The following PFKFB4 variants were observed in gnomAD, a reference collection of about 807,000 sequenced individuals.
PFKFB4 encodes 6-phosphofructo-2-kinase/fructose-2,6-biphosphatase 4.
PFKFB4 carries 42 observed loss-of-function variants against 62.8 expected under a neutral mutation model. The observed-to-expected ratio is 0.67, with a 90% confidence interval of 0.52 to 0.86. The LOEUF (loss-of-function observed/expected upper bound fraction) is 0.86. PFKFB4 is among the 40% of genes least tolerant of loss of function. The pLI, the probability that PFKFB4 is intolerant of heterozygous loss-of-function variation, is 0.00. For missense variants in PFKFB4, 475 were observed against 627.2 expected, an observed-to-expected ratio of 0.76 and a Z score of 2.59; for synonymous variants, 204 against 240.7, an observed-to-expected ratio of 0.85 and a Z score of 1.41.
chr3:48,519,563 C>G lies in PFKFB4; in HGVS notation c.*184G>C. ...CAGCAGGTCAGGAGCCACGCACAAC[C>G]TTGTCGCCGACTGTCAACAAAGAGC... is the stretch of plus-strand genomic sequence containing the variant. On this transcript the variant is annotated 3_prime_UTR_variant, in exon 14 of 14. Transcript: ENST00000232375. The G allele has an allele frequency of 1.7e-6, 1 of 588,232 alleles. No individual in the cohort carries two copies. Among genetic ancestry groups the G allele is most frequent in the Non-Finnish European group, 3.1e-6 (1 of 327,182 alleles). The allele number at this position is 588,232 out of a possible 1,614,324, so 36.4% of individuals were successfully genotyped here. A position where few individuals can be genotyped will look rare whatever the true frequency, so the allele number is the denominator to read the frequency against.
chr3:48,559,882 C>T, upstream of PFKFB4: 1 of 314,896 alleles, frequency 3.2e-6, no homozygotes, highest in Non-Finnish European at 6.3e-6. Flanking sequence ...CCTGACAGAA[C>T]TGCCAAACCA....
chr3:48,532,666 T>C (rs978804211), intron 9 of PFKFB4, among the ~76,000 whole-genome samples: 15 of 152,198 alleles, frequency 9.9e-5, no homozygotes, highest in Admixed American at 7.9e-4. Flanking sequence ...ACCTGGGCAA[T>C]ATAGTGAGCC....
chr3:48,534,858 G>C (rs902517788), intron 9 of PFKFB4, among the ~76,000 whole-genome samples: 2 of 151,810 alleles, frequency 1.3e-5, no homozygotes, highest in African/African-American at 4.8e-5. Context: ...GCCCAGGCTG[G>C]AGTGCAGTGG....
chr3:48,536,310 G>A lies in PFKFB4; in HGVS notation c.786C>T (p.Leu262=), dbSNP rs143533518. Residue 262 remains leucine (L), a synonymous_variant, in exon 8 of 14, where the codon CTC becomes CTT. Coordinates refer to ENST00000232375, the MANE Select transcript of PFKFB4 (RefSeq NM_004567.4). ...CCCCGCCAATCCGGCCCTTGAGGTTGAGCTCGCTCTCCCCGTGCCGGCAGA... is the reference window on the plus strand; with the variant it reads ...CCCCGCCAATCCGGCCCTTGAGGTTAAGCTCGCTCTCCCCGTGCCGGCAGA... ...IYLCRHGESE[L]NLKGRIGGDP... is the part of the protein sequence containing the mutation. 1.4e-4 allele frequency: 228 copies of A among 1,614,072 alleles called. 1 individual carries two copies. Among genetic ancestry groups the A allele is most frequent in the South Asian group, 4.1e-4 (37 of 91,090 alleles).
Position 48,543,624 on chromosome 3 carries a change from G to A in PFKFB4, c.334C>T (p.Arg112Cys), listed in dbSNP as rs368835932. 23 of 1,611,998 alleles carry A rather than the reference G, an allele frequency of 1.4e-5. No individual in the cohort carries two copies. The highest frequency in any genetic ancestry group is 5.3e-5 in the African/African-American group (4 of 74,904). ...TCACTAAGGAACCGCCGGACGTCACGGAGGGCTGCCAGGGCACACTGCCTT... is the reference window on the plus strand; with the variant it reads ...TCACTAAGGAACCGCCGGACGTCACAGAGGGCTGCCAGGGCACACTGCCTT... ...IRKQCALAAL[R>C]DVRRFLSEEG... The change falls in exon 4 of 14, where the codon CGT becomes TGT. Residue 112 changes from arginine to cysteine, a missense_variant. Arg to Cys is a radical substitution (Grantham distance 180, BLOSUM62 -3). Coordinates refer to ENST00000232375, the MANE Select transcript of PFKFB4 (RefSeq NM_004567.4).
At chr3:48,538,724 A>T in intron 6 of PFKFB4, 105 bp from the exon 7 acceptor site, 1 of 1,458,668 alleles carries the variant, frequency 6.9e-7, no homozygotes, top group Non-Finnish European at 9.4e-7. Context: ...GTTGCACCGG[A>T]GACCAGTGCG....
Position 48,523,603 on chromosome 3 carries a change from T to C in PFKFB4, c.1223-4A>G, listed in dbSNP as rs377429918. On this transcript the variant is annotated splice_region_variant and splice_polypyrimidine_tract_variant and intron_variant, in intron 11 of 13. Coordinates refer to ENST00000232375, the MANE Select transcript of PFKFB4 (RefSeq NM_004567.4). ...CACTTGAGGTAGGGCAGCTGTTCTG[T>C]AGACACAGAGGGGGATGGCTAGCAC... The C allele has an allele frequency of 1.4e-5, 22 of 1,614,018 alleles. No homozygotes were observed. In the African/African-American group the frequency reaches 2.8e-4, roughly 21 times the overall value.
intron 1 of PFKFB4, among the ~76,000 whole-genome samples, chr3:48,553,629 T>G (rs941081583): frequency 2.6e-5 from 4 of 152,224 alleles, no homozygotes; most frequent in Admixed American, 6.5e-5. Flanking sequence ...GCCTGAGACG[T>G]GCCTGGCAAT....
At chr3:48,536,706 T>C (rs575509359) in intron 7 of PFKFB4, 11 of 511,484 alleles carry the variant, frequency 2.2e-5, no homozygotes, top group East Asian at 1.9e-4. Flanking sequence ...CTCATCATGC[T>C]TCCCAAAGGT....
intron 7 of PFKFB4, among the ~76,000 whole-genome samples, chr3:48,538,184 A>G (rs2042684797): frequency 6.6e-6 from 1 of 152,182 alleles, no homozygotes; most frequent in South Asian, 2.1e-4. Flanking sequence ...GTCTAAATAA[A>G]ATATTTACTC....
upstream of PFKFB4, chr3:48,561,751 A>G (rs1015904709): frequency 6.8e-6 from 1 of 146,020 alleles, no homozygotes; most frequent in African/African-American, 2.7e-5. The surrounding 1 kb of genome is among the most constrained non-coding windows in gnomAD (Gnocchi z 5.2). Flanking sequence ...CTTTGTGTTT[A>G]TTGAGCACCT....
chr3:48,549,723 G>C lies in PFKFB4; in HGVS notation c.311+141C>G, dbSNP rs188484505. Reference sequence around the variant, plus strand: ...TCACACAGCCATCAGGGCTGGGCAAGGCCAGGGCTCAGGAGTAGCTCAGTC... The same window carrying C: ...TCACACAGCCATCAGGGCTGGGCAACGCCAGGGCTCAGGAGTAGCTCAGTC... On this transcript the variant is annotated intron_variant, in intron 3 of 13. Coordinates refer to ENST00000232375, the MANE Select transcript of PFKFB4 (RefSeq NM_004567.4). 5 of 638,696 alleles carry C rather than the reference G, an allele frequency of 7.8e-6. No homozygotes were observed. In the East Asian group the frequency reaches 1.4e-4, roughly 18 times the overall value. The allele number at this position is 638,696 out of a possible 1,614,324, so 39.6% of individuals were successfully genotyped here.
Position 48,519,734 on chromosome 3 carries a change from T to G in PFKFB4, c.*13A>C. 6.2e-7 allele frequency: 1 copy of G among 1,608,126 alleles called. No homozygotes were observed. The highest frequency in any genetic ancestry group is 8.5e-7 in the Non-Finnish European group (1 of 1,175,086). ...AGCAGTGCCTGCCTAGTGGTCACAG[T>G]GGATGAACATGGTCACTGGTGAGCA... is the stretch of plus-strand genomic sequence containing the variant. On this transcript the variant is annotated 3_prime_UTR_variant, in exon 14 of 14. Transcript: ENST00000232375.
chr3:48,561,322 C>T (rs905829076), upstream of PFKFB4: 6 of 275,768 alleles, frequency 2.2e-5, no homozygotes, highest in Middle Eastern at 2.7e-3. This position sits in a 1 kb window ranked among gnomAD's most constrained non-coding sequence, Gnocchi z 5.2. Flanking sequence ...ACGCTGTGGC[C>T]AGTACAGTCT....
rs1188528960 is a variant in PFKFB4, at chr3:48,521,125, A to T, written c.1350+861T>A. Reference sequence around the variant, plus strand: ...GACACATCTACACACCTGTGCTGTGAGGTCCAAGGCCAGATGTCCTGGTCC... The same window carrying T: ...GACACATCTACACACCTGTGCTGTGTGGTCCAAGGCCAGATGTCCTGGTCC... On this transcript the variant is annotated intron_variant, in intron 13 of 13. Coordinates refer to ENST00000232375, the MANE Select transcript of PFKFB4 (RefSeq NM_004567.4). This position sits in a 1 kb window ranked among gnomAD's most constrained non-coding sequence, Gnocchi z 5.3. 1.3e-5 allele frequency among the ~76,000 whole-genome samples: 2 copies of T among 152,200 alleles called. No individual in the cohort carries two copies. Among genetic ancestry groups the T allele is most frequent in the Non-Finnish European group, 2.9e-5 (2 of 68,026 alleles).
intron 9 of PFKFB4, among the ~76,000 whole-genome samples, chr3:48,534,833 G>A (rs1452934720): frequency 1.3e-5 from 2 of 150,662 alleles, no homozygotes; most frequent in African/African-American, 4.9e-5. Flanking sequence ...TTTTGAGACA[G>A]AACATCACTC....
intron 3 of PFKFB4, among the ~76,000 whole-genome samples, chr3:48,544,005 G>T (rs1485316840): frequency 1.1e-5 from 1 of 90,146 alleles, no homozygotes; most frequent in Non-Finnish European, 2.2e-5. Flanking sequence ...CCCCCCGCCC[G>T]CCTTTTATTT....
At chr3:48,539,048 G>A (rs1000174218) in intron 6 of PFKFB4, among the ~76,000 whole-genome samples, 1 of 152,130 alleles carries the variant, frequency 6.6e-6, no homozygotes, top group Non-Finnish European at 1.5e-5. Context: ...GTGGTTACGA[G>A]GCGGAGGTGG....
At chr3:48,540,851 T>C (rs940557345) in intron 4 of PFKFB4, among the ~76,000 whole-genome samples, 29 of 151,200 alleles carry the variant, frequency 1.9e-4, no homozygotes, top group African/African-American at 7.1e-4. Flanking sequence ...CTCGGCTCAC[T>C]GCAACCTCCG....
Sources: gnomAD v4.1 joint callset for allele counts (sites outside exome capture counted in the v4.1 genomes callset) on GRCh38, gnomAD v4.1.1 for gene constraint, Gnocchi (gnomAD v3.1) non-coding constraint, MANE v1.5 for transcripts, NCBI Gene and HGNC (gene_info 2026-07-23, HGNC 2026-07-21) for gene names.